The following CPQ variants were observed in gnomAD, a reference collection of about 807,000 sequenced individuals.
CPQ encodes carboxypeptidase Q, also known as Ser-Met dipeptidase.
CPQ carries 37 observed loss-of-function variants against 45.7 expected under a neutral mutation model. That is an observed-to-expected ratio of 0.81 (90% CI 0.62 to 1.07). The LOEUF (loss-of-function observed/expected upper bound fraction) is 1.07. Among genes scored for constraint, CPQ ranks in the 50% least tolerant of loss-of-function variants. The pLI, the probability that CPQ is intolerant of heterozygous loss-of-function variation, is 0.00. For synonymous variants in CPQ, 186 were observed against 205.8 expected (o/e 0.90, Z 0.82); for missense variants, 537 against 572.9 (o/e 0.94, Z 0.64).
At chr8:96,744,097 A>T (rs895459585) in intron 1 of CPQ, among the ~76,000 whole-genome samples, 1 of 152,188 alleles carries the variant, frequency 6.6e-6, no homozygotes, top group Non-Finnish European at 1.5e-5. Context: ...TTGCAGTTTG[A>T]TCTCAGACTG....
chr8:97,112,453 G>A (rs1341545069), intron 7 of CPQ, among the ~76,000 whole-genome samples: 1 of 152,206 alleles, frequency 6.6e-6, no homozygotes, highest in Non-Finnish European at 1.5e-5. Context: ...GGGTGGCATG[G>A]CACAGAGGAC....
intron 1 of CPQ, among the ~76,000 whole-genome samples, chr8:96,773,738 C>T (rs1369938549): frequency 2.4e-4 from 36 of 152,138 alleles, no homozygotes; most frequent in South Asian, 2.1e-4. Context: ...GATCAAGGCA[C>T]CAGCATTCGG....
intron 2 of CPQ, among the ~76,000 whole-genome samples, chr8:96,805,919 G>T (rs1440765728): frequency 7.9e-5 from 12 of 152,092 alleles, no homozygotes; most frequent in Non-Finnish European, 1.8e-4. Flanking sequence ...GGCCAGTAAC[G>T]GGGTTGCATA....
At chr8:97,107,389 A>G (rs1164326235) in intron 7 of CPQ, among the ~76,000 whole-genome samples, 1 of 152,226 alleles carries the variant, frequency 6.6e-6, no homozygotes, top group African/African-American at 2.4e-5. Context: ...GCACCATCCC[A>G]TACTCTGAAG....
At chr8:97,116,589 A>C (rs993132419) in intron 7 of CPQ, among the ~76,000 whole-genome samples, 1 of 152,210 alleles carries the variant, frequency 6.6e-6, no homozygotes, top group South Asian at 2.1e-4. Context: ...GCTCCAGTGC[A>C]GGACTGTGTG....
At chr8:97,140,214 C>T (rs947523841) in intron 7 of CPQ, among the ~76,000 whole-genome samples, 1 of 151,862 alleles carries the variant, frequency 6.6e-6, no homozygotes, top group African/African-American at 2.4e-5. Flanking sequence ...AAGTACAAAA[C>T]CTGAATAAGC....
chr8:97,115,619 G>T (rs552001094), intron 7 of CPQ, among the ~76,000 whole-genome samples: 1 of 152,252 alleles, frequency 6.6e-6, no homozygotes, highest in South Asian at 2.1e-4. Flanking sequence ...CCTTCATTTG[G>T]CATTCGGTGA....
At chr8:96,949,173 G>A (rs1287097691) in intron 4 of CPQ, among the ~76,000 whole-genome samples, 7 of 151,728 alleles carry the variant, frequency 4.6e-5, no homozygotes, top group African/African-American at 1.2e-4. Context: ...TTAATATTGC[G>A]GTTTCATTAG....
chr8:96,775,346 C>T (rs938443600), intron 1 of CPQ, among the ~76,000 whole-genome samples: 16 of 151,838 alleles, frequency 1.1e-4, no homozygotes, highest in Admixed American at 6.6e-4. Flanking sequence ...TATAAAGGAA[C>T]AATTAAAGGA....
rs114755802 is a variant in CPQ, at chr8:96,794,420, T to C, written c.433+9090T>C. On this transcript the variant is annotated intron_variant, in intron 2 of 7. Transcript: ENST00000220763. ...GAACGCAGGTCACCAATTCCCTAGA[T>C]GGCACACAGTATGAGGATCCTGGGC... 2.3e-3 allele frequency among the ~76,000 whole-genome samples: 351 copies of C among 152,292 alleles called. 4 individuals are homozygous for C. The highest frequency in any genetic ancestry group is 8.2e-3 in the African/African-American group (341 of 41,570).
At chr8:96,881,739 G>T (rs1489793192) in intron 4 of CPQ, among the ~76,000 whole-genome samples, 2 of 152,282 alleles carry the variant, frequency 1.3e-5, no homozygotes, top group African/African-American at 4.8e-5. Context: ...GAATTTATCT[G>T]CAAATAAAGG....
chr8:97,126,664 CA>C (rs1470467043), intron 7 of CPQ, among the ~76,000 whole-genome samples: 1 of 151,810 alleles, frequency 6.6e-6, no homozygotes, highest in Non-Finnish European at 1.5e-5. Flanking sequence ...ATGAAATACT[CA>C]AGAATAATTT....
intron 5 of CPQ, among the ~76,000 whole-genome samples, chr8:96,996,134 T>G (rs1310359314): frequency 6.6e-6 from 1 of 152,038 alleles, no homozygotes; most frequent in African/African-American, 2.4e-5. Context: ...AGAAATGATT[T>G]CCACAGATTC....
At chr8:96,709,616 T>A (rs1809581528) in intron 1 of CPQ, among the ~76,000 whole-genome samples, 1 of 152,188 alleles carries the variant, frequency 6.6e-6, no homozygotes, top group Non-Finnish European at 1.5e-5. Flanking sequence ...AGATACCTAG[T>A]AGTGGGATTG....
intron 1 of CPQ, among the ~76,000 whole-genome samples, chr8:96,648,203 A>T (rs527566118): frequency 1.1e-3 from 166 of 152,150 alleles, no homozygotes; most frequent in African/African-American, 3.8e-3. Flanking sequence ...GGCCGCCTGA[A>T]AAACTAAGAG....
intron 1 of CPQ, among the ~76,000 whole-genome samples, chr8:96,746,210 G>T (rs543954873): frequency 7.6e-4 from 116 of 152,272 alleles, no homozygotes; most frequent in African/African-American, 2.7e-3. Flanking sequence ...GCAGTGTAAG[G>T]TTCTTTAATT....
chr8:96,729,149 A>G (rs1285207406), intron 1 of CPQ, among the ~76,000 whole-genome samples: 1 of 152,204 alleles, frequency 6.6e-6, no homozygotes, highest in Non-Finnish European at 1.5e-5. Flanking sequence ...AACTCTCGCA[A>G]GAGAAGTCTT....
chr8:97,067,266 A>T (rs1810655502), intron 7 of CPQ, among the ~76,000 whole-genome samples: 1 of 152,028 alleles, frequency 6.6e-6, no homozygotes. Flanking sequence ...ATACTACTTC[A>T]CAAAGTTACC....
chr8:96,761,473 A>C (rs915171194), intron 1 of CPQ: 2 of 152,192 alleles, frequency 1.3e-5, no homozygotes, highest in Admixed American at 1.3e-4. Context: ...TGGTGGATTG[A>C]TTGCCCTACT....
Sources: gnomAD v4.1 joint callset for allele counts (sites outside exome capture counted in the v4.1 genomes callset) on GRCh38, gnomAD v4.1.1 for gene constraint, MANE v1.5 for transcripts, NCBI Gene and HGNC (gene_info 2026-07-23, HGNC 2026-07-21) for gene names.